The following ATP8B2 variants were observed in gnomAD, a reference collection of about 807,000 sequenced individuals.
The protein encoded by ATP8B2 is ATPase phospholipid transporting 8B2, also known as phospholipid-transporting ATPase ID.
Under a neutral mutation model 133.4 loss-of-function variants are expected in ATP8B2, and 70 were observed. The observed-to-expected ratio is 0.52, with a 90% confidence interval of 0.43 to 0.64. The LOEUF (loss-of-function observed/expected upper bound fraction) is 0.64, where lower values mean the gene tolerates loss of function less well. Ranked by LOEUF, ATP8B2 falls within the 30% of genes least tolerant of loss-of-function variation. The pLI is 0.00. For missense variants in ATP8B2, 1,101 were observed against 1,535.7 expected (o/e 0.72, Z 4.73); for synonymous variants, 517 against 589.5 (o/e 0.88, Z 1.78).
intron 27 of ATP8B2, 127 bp downstream of exon 27, chr1:154,348,665 G>A: frequency 7.0e-7 from 1 of 1,435,568 alleles, no homozygotes; most frequent in Non-Finnish European, 9.4e-7. Flanking sequence ...TGTTCTTCCT[G>A]GGGACAGACA....
chr1:154,328,850 G>T lies in ATP8B2; in HGVS notation c.31+678G>T. The T allele has an allele frequency of 8.8e-7, 1 of 1,137,418 alleles. No individual in the cohort carries two copies. The allele number at this position is 1,137,418 out of a possible 1,614,324, so 70.5% of individuals were successfully genotyped here. ...GGCCGGGAGGATGGCCTGGGCTGCG[G>T]GTGGGGCGCGCGCCCGACGGCTGGG... On this transcript the variant is annotated intron_variant, in intron 2 of 27. Transcript: ENST00000368489. The surrounding 1 kb of genome is among the most constrained non-coding windows in gnomAD (Gnocchi z 4.6).
Position 154,348,304 on chromosome 1 carries a change from A to T in ATP8B2, c.3164-104A>T, listed in dbSNP as rs1410908497. The T allele has an allele frequency of 2.3e-6, 3 of 1,287,600 alleles. No individual in the cohort carries two copies. The Admixed American group carries it at 7.5e-5, about 32-fold the overall frequency. The allele number at this position is 1,287,600 out of a possible 1,614,324, so 79.8% of individuals were successfully genotyped here. On this transcript the variant is annotated intron_variant, in intron 26 of 27. Transcript: ENST00000368489. ...TGAGCCTGGAGAAGCGGGAAGCCAG[A>T]GGTGACTTAGGCTTTGAGAGTAGGG...
In ATP8B2 at chr1:154,342,981, C is replaced by T. The variant is rs766162423; in HGVS notation, c.1453+20C>T. 1.6e-5 allele frequency: 26 copies of T among 1,612,592 alleles called. No individual in the cohort carries two copies. The highest frequency in any genetic ancestry group is 1.7e-4 in the Middle Eastern group (1 of 5,906). On this transcript the variant is annotated intron_variant, in intron 15 of 27. Transcript: ENST00000368489. ...ACGAAGGTGGGCCGAGGAGCCGGCT[C>T]GCACTCTCCTGACCTGACTCTGCCC... is the stretch of plus-strand genomic sequence containing the variant.
chr1:154,331,513 C>A lies in ATP8B2; in HGVS notation c.365+8C>A, dbSNP rs763585632. On this transcript the variant is annotated splice_region_variant and intron_variant, in intron 6 of 27. Coordinates refer to ENST00000368489, the MANE Select transcript of ATP8B2 (RefSeq NM_001370597.1). The surrounding 1 kb of genome is among the most constrained non-coding windows in gnomAD (Gnocchi z 4.8). Reference sequence around the variant, plus strand: ...GGTGCTGATCAATGGAATGTGAGTGCCTGTTGGAGACAAGAGCTCTGGGGA... The same window carrying A: ...GGTGCTGATCAATGGAATGTGAGTGACTGTTGGAGACAAGAGCTCTGGGGA... 1.7e-5 allele frequency: 28 copies of A among 1,613,908 alleles called. No homozygotes were observed. The highest frequency in any genetic ancestry group is 2.3e-5 in the Non-Finnish European group (27 of 1,179,926).
In ATP8B2 at chr1:154,342,816, C is replaced by T; in HGVS notation, c.1308C>T (p.Phe436=). ...ELGERPEPVD[F]SFNPLADKKF... ...TTCAGAGGCCTGAACCTGTTGACTT[C>T]TCCTTCAATCCTCTGGCTGACAAGA... Residue 436 remains phenylalanine, a synonymous_variant, in exon 15 of 28, where the codon TTC becomes TTT. Coordinates refer to ENST00000368489, the MANE Select transcript of ATP8B2 (RefSeq NM_001370597.1). 6.2e-7 allele frequency: 1 copy of T among 1,614,194 alleles called. No individual in the cohort carries two copies. Among genetic ancestry groups the T allele is most frequent in the Non-Finnish European group, 8.5e-7 (1 of 1,180,030 alleles).
rs1010521061 is a variant in ATP8B2 at position 154,346,955 on chromosome 1, C to T, written c.3163+197C>T. ...TGGTGCGATCTCGGCTCACTGCAGCCTTCGACTCACTGCAGCCTCTGCCTC... is the reference window on the plus strand; with the variant it reads ...TGGTGCGATCTCGGCTCACTGCAGCTTTCGACTCACTGCAGCCTCTGCCTC... On this transcript the variant is annotated intron_variant, in intron 26 of 27. Transcript: ENST00000368489. This position sits in a 1 kb window ranked among gnomAD's most constrained non-coding sequence, Gnocchi z 4.5. 6.6e-6 allele frequency among the ~76,000 whole-genome samples: 1 copy of T among 152,146 alleles called. No individual in the cohort carries two copies. Among genetic ancestry groups the T allele is most frequent in the African/African-American group, 2.4e-5 (1 of 41,418 alleles).
At chr1:154,330,330 C>G (rs1685939194) in intron 2 of ATP8B2, 66 bp from the exon 3 acceptor site, 1 of 1,423,058 alleles carries the variant, frequency 7.0e-7, no homozygotes, top group Non-Finnish European at 9.8e-7. Flanking sequence ...AACAGGGAAC[C>G]CCCCAGCAAA....
rs1197080499 is a variant in ATP8B2, at chr1:154,331,448, G to A, written c.308G>A (p.Arg103His). 1.2e-6 allele frequency: 2 copies of A among 1,613,928 alleles called. No homozygotes were observed. The highest frequency in any genetic ancestry group is 1.7e-6 in the Non-Finnish European group (2 of 1,179,996). ...TTTCAGTTTTCTTCTTTTCAGTTCC[G>A]CCACAAGAGCGATAACCAGGTGAAT... ...AVKDATDDYF[R>H]HKSDNQVNNR... The change falls in exon 6 of 28, where the codon CGC becomes CAC. Residue 103 changes from arginine (R) to histidine (H), a missense_variant. Transcript: ENST00000368489. This position sits in a 1 kb window ranked among gnomAD's most constrained non-coding sequence, Gnocchi z 4.8.
Position 154,345,007 on chromosome 1 carries a change from C to G in ATP8B2, c.2323C>G (p.Leu775Val). ...ALEADMELEF[L>V]ETACACKAVI... ...GGAGGCAGACATGGAGCTGGAGTTTCTGGAGACAGCGTGTGCCTGCAAAGC... is the reference window on the plus strand; with the variant it reads ...GGAGGCAGACATGGAGCTGGAGTTTGTGGAGACAGCGTGTGCCTGCAAAGC... Residue 775 changes from leucine to valine, a missense_variant, in exon 22 of 28, where the codon CTG (leucine) becomes GTG (valine). By Grantham distance (32) the Leu-to-Val change is conservative. Coordinates refer to ENST00000368489, the MANE Select transcript of ATP8B2 (RefSeq NM_001370597.1). The surrounding 1 kb of genome is among the most constrained non-coding windows in gnomAD (Gnocchi z 5.6). 2 of 1,614,110 alleles carry G rather than the reference C, an allele frequency of 1.2e-6. No homozygotes were observed. Among genetic ancestry groups the G allele is most frequent in the Non-Finnish European group, 1.7e-6 (2 of 1,180,000 alleles).
At position 154,332,134 on chromosome 1, in the gene ATP8B2, AG is replaced by A. The variant is rs1686015416; in HGVS notation, c.509+114del. 7.0e-6 allele frequency: 8 copies of A among 1,145,032 alleles called. No homozygotes were observed. In the Admixed American group the frequency reaches 1.3e-4, roughly 19 times the overall value. 70.9% of individuals were successfully genotyped at this position (1,145,032 alleles called of 1,614,324 possible). A position where few individuals can be genotyped will look rare whatever the true frequency, so the allele number is the denominator to read the frequency against. ...GGCTCTGTCTGAATTTGGAAAAATTAGGGGTAAGAAAGGCTTTGGATGGGAT... is the reference window on the plus strand; with the variant it reads ...GGCTCTGTCTGAATTTGGAAAAATTAGGGTAAGAAAGGCTTTGGATGGGAT... On this transcript the variant is annotated intron_variant, in intron 8 of 27. Coordinates refer to ENST00000368489, the MANE Select transcript of ATP8B2 (RefSeq NM_001370597.1).
rs764072076 is a variant in ATP8B2 at position 154,344,862 on chromosome 1, A to G, written c.2286+77A>G. On this transcript the variant is annotated intron_variant, in intron 21 of 27. Coordinates refer to ENST00000368489, the MANE Select transcript of ATP8B2 (RefSeq NM_001370597.1). The surrounding 1 kb of genome is among the most constrained non-coding windows in gnomAD (Gnocchi z 4.1). ...GTCCAGGGCTTTTATATCTTGTTCT[A>G]ATTTCCCCTGATTTCAGAGAAGACT... 92 of 1,545,468 alleles carry G rather than the reference A, an allele frequency of 6.0e-5. No individual in the cohort carries two copies. Among genetic ancestry groups the G allele is most frequent in the Non-Finnish European group, 7.9e-5 (90 of 1,144,752 alleles).
intron 8 of ATP8B2, among the ~76,000 whole-genome samples, 179 bp from the exon 9 acceptor site, chr1:154,332,439 T>C (rs1490283179): frequency 1.3e-5 from 2 of 152,170 alleles, no homozygotes; most frequent in Non-Finnish European, 2.9e-5. Context: ...ATGCCTATAA[T>C]CCCAGCCACT....
chr1:154,335,886 A>G (rs762006998), intron 11 of ATP8B2, among the ~76,000 whole-genome samples: 2 of 152,000 alleles, frequency 1.3e-5, no homozygotes, highest in Non-Finnish European at 2.9e-5. Context: ...AAAAATACAA[A>G]AAAATAGCTG....
rs772249668 is a variant in ATP8B2, at chr1:154,344,469, C to T, written c.2110C>T (p.His704Tyr). 1 of 1,614,136 alleles carries T rather than the reference C, an allele frequency of 6.2e-7. No individual in the cohort carries two copies. The highest frequency in any genetic ancestry group is 2.2e-5 in the East Asian group (1 of 44,876). Residue 704 changes from histidine (H) to tyrosine (Y), a missense_variant, in exon 20 of 28, where the codon CAT becomes TAT. Transcript: ENST00000368489. The surrounding 1 kb of genome is among the most constrained non-coding windows in gnomAD (Gnocchi z 4.1). ...DMTEVFIVTG[H>Y]TVLEVREELR... ...GACTGAGGTTTTCATAGTCACTGGC[C>T]ATACTGTCCTGGAGGTGCGGGAGGA...
In ATP8B2 at chr1:154,348,468, T is replaced by C. The variant is rs768713536; in HGVS notation, c.3224T>C (p.Val1075Ala). The stretch of plus-strand genomic sequence containing the variant: ...TGGCTGACCATTGTGCTCACCACAG[T>C]CGTCTGCATCATGCCCGTGGTTGCC... Reference protein sequence around the residue: ...TVWLTIVLTTVVCIMPVVAFR... With the variant: ...TVWLTIVLTTAVCIMPVVAFR... The change falls in exon 27 of 28, where the codon GTC (valine) becomes GCC (alanine). Residue 1075 changes from valine (V) to alanine (A), a missense_variant. Physicochemically the swap from Val to Ala is moderately conservative, Grantham distance 64. Coordinates refer to ENST00000368489, the MANE Select transcript of ATP8B2 (RefSeq NM_001370597.1). The C allele has an allele frequency of 1.2e-5, 19 of 1,613,982 alleles. No homozygotes were observed. The Admixed American group carries it at 3.2e-4, about 27-fold the overall frequency.
At chr1:154,335,188 A>G (rs1760796) in intron 11 of ATP8B2, among the ~76,000 whole-genome samples, 107,792 of 152,056 alleles carry the variant, frequency 0.71, 38,939 homozygotes, top group East Asian at 0.86. Context: ...GGCTTTAAAG[A>G]GTGTGCGGAA....
chr1:154,330,715 G>C (rs989411193), intron 3 of ATP8B2, 100 bp from the exon 4 acceptor site: 1 of 1,027,964 alleles, frequency 9.7e-7, no homozygotes, highest in Non-Finnish European at 1.5e-6. Context: ...TAGCTTTTGG[G>C]GTAGAGGTCT....
Position 154,334,738 on chromosome 1 carries a change from T to C in ATP8B2, c.837+147T>C, listed in dbSNP as rs1269607996. 1.6e-6 allele frequency: 1 copy of C among 622,688 alleles called. No homozygotes were observed. 38.6% of individuals were successfully genotyped at this position (622,688 alleles called of 1,614,324 possible). The stretch of plus-strand genomic sequence containing the variant: ...TCAGCTACACAAAGGCAGTGTTTAT[T>C]TTAGGCTCCTTTTAGTTGGAAGATG... On this transcript the variant is annotated intron_variant, in intron 11 of 27. Transcript: ENST00000368489. The surrounding 1 kb of genome is among the most constrained non-coding windows in gnomAD (Gnocchi z 4.6).
In ATP8B2 at chr1:154,343,910, G is replaced by T; in HGVS notation, c.1776G>T (p.Gly592=). The T allele has an allele frequency of 6.2e-7, 1 of 1,612,482 alleles. No individual in the cohort carries two copies. Among genetic ancestry groups the T allele is most frequent in the Non-Finnish European group, 8.5e-7 (1 of 1,179,256 alleles). Residue 592 remains glycine (G), a synonymous_variant, in exon 18 of 28, where the codon GGG becomes GGT. Transcript: ENST00000368489. The surrounding 1 kb of genome is among the most constrained non-coding windows in gnomAD (Gnocchi z 5.8). ...MDHLNEYAGE[G]LRTLVLAYKD... ...GCCTCCAGGAGTACGCAGGGGAAGG[G>T]CTGAGGACCCTGGTGCTGGCCTACA...
Sources: gnomAD v4.1 joint callset for allele counts (sites outside exome capture counted in the v4.1 genomes callset) on GRCh38, gnomAD v4.1.1 for gene constraint, Gnocchi (gnomAD v3.1) non-coding constraint, MANE v1.5 for transcripts, NCBI Gene and HGNC (gene_info 2026-07-23, HGNC 2026-07-21) for gene names.